Variants in USH2A observed in about 807,000 individuals in gnomAD.
The protein encoded by USH2A is usherin, also known as Usher syndrome 2A (autosomal recessive, mild).
Under a neutral mutation model 538.9 loss-of-function variants are expected in USH2A, and 443 were observed. The observed-to-expected ratio is 0.82, with a 90% CI of 0.76 to 0.89. The LOEUF is 0.89. Among genes scored for constraint, USH2A ranks in the 40% least tolerant of loss-of-function variants. The probability of loss-of-function intolerance (pLI) is 0.00; values close to 1 mark genes in which losing one functional copy is unlikely to be tolerated. For missense variants in USH2A, 6,633 were observed against 6,324.8 expected, an observed-to-expected ratio of 1.05 and a Z score of -1.65; for synonymous variants, 2,413 against 2,273.5, an observed-to-expected ratio of 1.06 and a Z score of -1.75.
At chr1:216,289,844 T>C (rs1414777515) in intron 10 of USH2A, among the ~76,000 whole-genome samples, 1 of 152,144 alleles carries the variant, frequency 6.6e-6, no homozygotes, top group Non-Finnish European at 1.5e-5. Flanking sequence ...AACTCAATCA[T>C]GTAAAATGGG....
At chr1:216,421,095 A>G (rs2039668756) in intron 2 of USH2A, among the ~76,000 whole-genome samples, 1 of 152,114 alleles carries the variant, frequency 6.6e-6, no homozygotes, top group South Asian at 2.1e-4. Flanking sequence ...ATTTAGAAGA[A>G]ACTCATTAGA....
chr1:215,672,144 G>T (rs1042166643), intron 63 of USH2A, among the ~76,000 whole-genome samples: 1 of 152,140 alleles, frequency 6.6e-6, no homozygotes, highest in African/African-American at 2.4e-5. Flanking sequence ...GAGTTTTTGT[G>T]AGTATTTAGT....
At position 216,421,918 on chromosome 1, in the gene USH2A, G is replaced by C. The variant is rs759474177; in HGVS notation, c.419C>G (p.Pro140Arg). The change falls in exon 2 of 72, where the codon CCT becomes CGT. Residue 140 changes from proline (P) to arginine (R), a missense_variant. Transcript: ENST00000307340. Reference sequence around the variant, plus strand: ...AAATGATGCCATCAGCTTTGGAGAAGGAGGAGAAGAAAAGCAGCTCTTGTG... The same window carrying C: ...AAATGATGCCATCAGCTTTGGAGAACGAGGAGAAGAAAAGCAGCTCTTGTG... Reference protein sequence around the residue: ...GNHKSCFSSPPSPKLMASFTL... With the variant: ...GNHKSCFSSPRSPKLMASFTL... The C allele has an allele frequency of 1.2e-6, 2 of 1,613,926 alleles. No homozygotes were observed. Among genetic ancestry groups the C allele is most frequent in the Non-Finnish European group, 8.5e-7 (1 of 1,179,898 alleles).
intron 38 of USH2A, among the ~76,000 whole-genome samples, chr1:215,917,062 T>C (rs913090693): frequency 2.0e-5 from 3 of 152,142 alleles, no homozygotes; most frequent in Non-Finnish European, 4.4e-5. Flanking sequence ...ACATTATTTG[T>C]TCAACTAGAA....
intron 9 of USH2A, among the ~76,000 whole-genome samples, chr1:216,297,806 T>C (rs1366983776): frequency 6.6e-6 from 1 of 152,174 alleles, no homozygotes; most frequent in Non-Finnish European, 1.5e-5. Flanking sequence ...GGAGGTCCTA[T>C]CTATTGACAA....
intron 32 of USH2A, among the ~76,000 whole-genome samples, chr1:216,010,099 C>G (rs1668521602): frequency 6.6e-6 from 1 of 152,150 alleles, no homozygotes. Context: ...GGCCCTCAAA[C>G]CCCACAACAG....
In USH2A at chr1:216,422,514, G is replaced by C; in HGVS notation, c.-178C>G. 1.2e-6 allele frequency: 1 copy of C among 817,276 alleles called. No individual in the cohort carries two copies. The highest frequency in any genetic ancestry group is 1.8e-5 in the South Asian group (1 of 56,866). The allele number at this position is 817,276 out of a possible 1,614,324, so 50.6% of individuals were successfully genotyped here. On this transcript the variant is annotated 5_prime_UTR_variant, in exon 2 of 72. Coordinates refer to ENST00000307340, the MANE Select transcript of USH2A (RefSeq NM_206933.4). ...TAATACCAACGACGTTCTTAGCAAT[G>C]GCGAAGACATGAGTAGCTGCTGGTA... is the stretch of plus-strand genomic sequence containing the variant.
At chr1:216,356,246 A>C (rs2038390140) in intron 4 of USH2A, among the ~76,000 whole-genome samples, 1 of 152,134 alleles carries the variant, frequency 6.6e-6, no homozygotes, top group Non-Finnish European at 1.5e-5. Context: ...TACAGAATTT[A>C]AATGACTAAC....
intron 21 of USH2A, among the ~76,000 whole-genome samples, chr1:216,136,937 A>T (rs1344000576): frequency 6.6e-6 from 1 of 152,198 alleles, no homozygotes; most frequent in Non-Finnish European, 1.5e-5. Flanking sequence ...AGCCTTCAGA[A>T]TTGTGAGACA....
chr1:216,091,700 T>G (rs571955427), intron 22 of USH2A, among the ~76,000 whole-genome samples: 8 of 152,182 alleles, frequency 5.3e-5, no homozygotes, highest in Non-Finnish European at 1.2e-4. Flanking sequence ...TCAATTTTAT[T>G]AAGATATTTT....
At chr1:216,137,994 A>T (rs535739661) in intron 21 of USH2A, among the ~76,000 whole-genome samples, 13 of 151,834 alleles carry the variant, frequency 8.6e-5, no homozygotes, top group African/African-American at 2.9e-4. Flanking sequence ...CATCTAAAGG[A>T]GGAGTCAAAT....
At chr1:215,657,202 A>T (rs1416605374) in intron 64 of USH2A, among the ~76,000 whole-genome samples, 1 of 152,228 alleles carries the variant, frequency 6.6e-6, no homozygotes, top group Non-Finnish European at 1.5e-5. Flanking sequence ...ATAAATAAAA[A>T]GATACAATCA....
chr1:215,813,949 G>C, intron 48 of USH2A, 45 bp from the exon 49 acceptor site: 8 of 1,593,246 alleles, frequency 5.0e-6, no homozygotes, highest in Non-Finnish European at 6.9e-6. Context: ...GTTTAGTTAA[G>C]AGTGTTATAC....
chr1:216,187,538 CCTTT>C (rs368239703), intron 20 of USH2A, among the ~76,000 whole-genome samples: 11 of 151,838 alleles, frequency 7.2e-5, no homozygotes, highest in African/African-American at 2.2e-4. Flanking sequence ...AGATTTTAAG[CCTTT>C]CTAAGTTTTA....
chr1:216,333,738 G>A (rs2037914748), intron 4 of USH2A, among the ~76,000 whole-genome samples: 1 of 151,934 alleles, frequency 6.6e-6, no homozygotes. Flanking sequence ...TCTCCTACAT[G>A]GGATCTTCAA....
chr1:216,084,277 G>A (rs1453722889), intron 25 of USH2A, among the ~76,000 whole-genome samples: 8 of 152,130 alleles, frequency 5.3e-5, no homozygotes, highest in Non-Finnish European at 1.0e-4. Context: ...TTACCTAGCC[G>A]AGAATTAACT....
chr1:215,933,600 G>A (rs1181123156), intron 38 of USH2A, among the ~76,000 whole-genome samples: 1 of 151,888 alleles, frequency 6.6e-6, no homozygotes, highest in Non-Finnish European at 1.5e-5. Flanking sequence ...TTGCAGGGGA[G>A]CGGTTCCATA....
At chr1:216,421,156 A>G (rs1388888891) in intron 2 of USH2A, among the ~76,000 whole-genome samples, 1 of 152,180 alleles carries the variant, frequency 6.6e-6, no homozygotes, top group Non-Finnish European at 1.5e-5. Context: ...TTAAATAACA[A>G]AAAATGGCAG....
At chr1:216,145,596 T>A (rs1388423550) in intron 21 of USH2A, among the ~76,000 whole-genome samples, 2 of 152,152 alleles carry the variant, frequency 1.3e-5, no homozygotes, top group African/African-American at 4.8e-5. Context: ...TTCCCACAAG[T>A]CCTGTGTCAG....
Sources: gnomAD v4.1 joint callset for allele counts (sites outside exome capture counted in the v4.1 genomes callset) on GRCh38, gnomAD v4.1.1 for gene constraint, MANE v1.5 for transcripts, NCBI Gene and HGNC (gene_info 2026-07-23, HGNC 2026-07-21) for gene names.